The following PPARGC1A variants were observed in gnomAD, a reference collection of about 807,000 sequenced individuals.
PPARGC1A encodes peroxisome proliferator-activated receptor gamma coactivator 1-alpha.
PPARGC1A carries 25 observed loss-of-function variants against 88.7 expected under a neutral mutation model. The observed-to-expected ratio is 0.28, with a 90% CI of 0.21 to 0.39. The LOEUF is 0.39. Among genes scored for constraint, PPARGC1A ranks in the 10% least tolerant of loss-of-function variants. PPARGC1A has a pLI of 1.00. For missense variants in PPARGC1A, 880 were observed against 968.7 expected (o/e 0.91, Z 1.22); for synonymous variants, 363 against 355.6 (o/e 1.02, Z -0.24).
the PPARGC1A span, among the ~76,000 whole-genome samples, chr4:23,916,284 G>C: frequency 6.6e-6 from 1 of 152,142 alleles, no homozygotes; most frequent in Non-Finnish European, 1.5e-5. Flanking sequence ...ATGTGATAAT[G>C]TGCTTAGGTG....
chr4:24,007,354 A>G, the PPARGC1A span, among the ~76,000 whole-genome samples: 2 of 152,214 alleles, frequency 1.3e-5, no homozygotes, highest in Non-Finnish European at 1.5e-5. Flanking sequence ...TAATGAGCAG[A>G]AACAGATGTG....
the PPARGC1A span, among the ~76,000 whole-genome samples, chr4:24,054,408 A>G: frequency 4.6e-5 from 7 of 152,132 alleles, no homozygotes; most frequent in African/African-American, 1.7e-4. Context: ...CTTGCTAAAA[A>G]AGGAAAGTAT....
the PPARGC1A span, among the ~76,000 whole-genome samples, chr4:24,279,119 A>C: frequency 2.6e-5 from 4 of 152,208 alleles, no homozygotes; most frequent in African/African-American, 9.6e-5. Context: ...TGGCCTTCCA[A>C]TTCTATACTT....
the PPARGC1A span, among the ~76,000 whole-genome samples, chr4:24,201,905 A>C: frequency 2.8e-5 from 4 of 141,536 alleles, no homozygotes; most frequent in Non-Finnish European, 6.2e-5. Flanking sequence ...TGGTTATATC[A>C]TTTTTTTTTT....
chr4:24,321,390 C>G, the PPARGC1A span, among the ~76,000 whole-genome samples: 2 of 152,190 alleles, frequency 1.3e-5, no homozygotes, highest in Admixed American at 1.3e-4. Flanking sequence ...AGCTGGCAGT[C>G]TCTCAATAGT....
chr4:24,006,104 G>A, the PPARGC1A span, among the ~76,000 whole-genome samples: 23 of 152,166 alleles, frequency 1.5e-4, no homozygotes, highest in Admixed American at 2.6e-4. Context: ...AGGCTAGAGT[G>A]CAGTGGCCCA....
chr4:24,442,355 G>A, the PPARGC1A span, among the ~76,000 whole-genome samples: 1 of 152,032 alleles, frequency 6.6e-6, no homozygotes, highest in Non-Finnish European at 1.5e-5. Flanking sequence ...TAGCAGTAAG[G>A]GGAAAAAAAA....
At chr4:24,193,072 T>C in the PPARGC1A span, among the ~76,000 whole-genome samples, 3 of 152,246 alleles carry the variant, frequency 2.0e-5, no homozygotes, top group Non-Finnish European at 4.4e-5. Context: ...TAGTTTAGCA[T>C]ATTTAAGTCG....
chr4:24,319,635 A>G, the PPARGC1A span, among the ~76,000 whole-genome samples: 1 of 152,202 alleles, frequency 6.6e-6, no homozygotes, highest in Non-Finnish European at 1.5e-5. Context: ...TACTGTAGAC[A>G]CTGTTTTCCC....
At chr4:24,442,310 A>C in the PPARGC1A span, among the ~76,000 whole-genome samples, 1 of 152,226 alleles carries the variant, frequency 6.6e-6, no homozygotes, top group Non-Finnish European at 1.5e-5. Context: ...ACAACATGAA[A>C]AGGTTCATGG....
the PPARGC1A span, among the ~76,000 whole-genome samples, chr4:24,407,595 C>T: frequency 9.9e-5 from 15 of 152,208 alleles, no homozygotes; most frequent in Non-Finnish European, 2.1e-4. Flanking sequence ...CTCCCATTGA[C>T]CTTGCTCTCT....
At chr4:23,832,612 CTTT>C (rs570752359) in intron 2 of PPARGC1A, among the ~76,000 whole-genome samples, 10 of 131,804 alleles carry the variant, frequency 7.6e-5, no homozygotes, top group Middle Eastern at 3.6e-3. Context: ...TTTTCTTTTT[CTTT>C]TTTTTTTTTT....
chr4:24,307,243 C>T, the PPARGC1A span, among the ~76,000 whole-genome samples: 1 of 152,154 alleles, frequency 6.6e-6, no homozygotes, highest in Non-Finnish European at 1.5e-5. Flanking sequence ...GGTTGTGAAA[C>T]ACAGATTTCA....
At chr4:24,180,915 G>A in the PPARGC1A span, among the ~76,000 whole-genome samples, 1 of 152,260 alleles carries the variant, frequency 6.6e-6, no homozygotes, top group Non-Finnish European at 1.5e-5. Context: ...AACATTTAAA[G>A]CCATTCTTCC....
At chr4:24,437,596 TGTTG>T in the PPARGC1A span, among the ~76,000 whole-genome samples, 2 of 39,462 alleles carry the variant, frequency 5.1e-5, no homozygotes, top group African/African-American at 2.4e-4. Context: ...ACAGGTTTTT[TGTTG>T]TTGTTGTTGT....
chr4:24,264,813 T>C, the PPARGC1A span, among the ~76,000 whole-genome samples: 97 of 152,354 alleles, frequency 6.4e-4, no homozygotes, highest in African/African-American at 2.3e-3. Context: ...CTTTTGCCTA[T>C]TTGTTTCCTC....
intron 7 of PPARGC1A, 108 bp from the exon 8 acceptor site, chr4:23,814,713 A>G: frequency 6.4e-6 from 7 of 1,090,534 alleles, no homozygotes; most frequent in Non-Finnish European, 8.9e-6. Flanking sequence ...AAGATTTCAG[A>G]CAAGGGTTCA....
chr4:24,391,680 C>A, the PPARGC1A span, among the ~76,000 whole-genome samples: 3 of 152,130 alleles, frequency 2.0e-5, no homozygotes, highest in Admixed American at 2.0e-4. Context: ...TTAAAATAAT[C>A]TCATAAATCT....
the PPARGC1A span, among the ~76,000 whole-genome samples, chr4:24,264,043 G>C: frequency 6.6e-6 from 1 of 152,078 alleles, no homozygotes; most frequent in African/African-American, 2.4e-5. Context: ...GAACCACCTT[G>C]CCCAGCTCTT....
Sources: gnomAD v4.1 joint callset for allele counts (sites outside exome capture counted in the v4.1 genomes callset) on GRCh38, gnomAD v4.1.1 for gene constraint, MANE v1.5 for transcripts, NCBI Gene and HGNC (gene_info 2026-07-23, HGNC 2026-07-21) for gene names.